The following LRRC49 variants were observed in gnomAD, a reference collection of about 807,000 sequenced individuals.
The protein encoded by LRRC49 is leucine-rich repeat-containing protein 49.
In LRRC49, 50 loss-of-function variants were observed where a neutral mutation model predicts 83.3. The observed-to-expected ratio is 0.60, with a 90% confidence interval of 0.48 to 0.76. The LOEUF (loss-of-function observed/expected upper bound fraction) is 0.76, where lower values mean the gene tolerates loss of function less well. LRRC49 is among the 30% of genes least tolerant of loss of function. The pLI is 0.00. For synonymous variants in LRRC49, 286 were observed against 283.3 expected, an observed-to-expected ratio of 1.01 and a Z score of -0.10; for missense variants, 704 against 809.1, an observed-to-expected ratio of 0.87 and a Z score of 1.58.
chr15:70,985,319 A>G (rs1361354336), intron 11 of LRRC49, among the ~76,000 whole-genome samples: 1 of 151,442 alleles, frequency 6.6e-6, no homozygotes, highest in Non-Finnish European at 1.5e-5. Context: ...AATGATTGCC[A>G]TTCTAACTGG....
chr15:70,934,316 T>TA (rs1041918662), intron 7 of LRRC49, among the ~76,000 whole-genome samples: 2 of 152,188 alleles, frequency 1.3e-5, no homozygotes, highest in African/African-American at 4.8e-5. Flanking sequence ...ACAGAATTGC[T>TA]AAAAAATTGG....
intron 7 of LRRC49, among the ~76,000 whole-genome samples, chr15:70,935,140 A>G (rs2035551286): frequency 1.3e-5 from 2 of 152,212 alleles, no homozygotes; most frequent in South Asian, 4.1e-4. Context: ...TCCTGTTTCC[A>G]CAGACTTACT....
At chr15:70,916,990 G>A (rs1383371433) in intron 6 of LRRC49, among the ~76,000 whole-genome samples, 1 of 152,212 alleles carries the variant, frequency 6.6e-6, no homozygotes, top group Non-Finnish European at 1.5e-5. Context: ...TCTCCCTGCT[G>A]TTGGTGCCTG....
intron 15 of LRRC49, among the ~76,000 whole-genome samples, chr15:71,038,170 C>G (rs571240164): frequency 9.9e-5 from 15 of 152,098 alleles, no homozygotes; most frequent in Non-Finnish European, 1.9e-4. Flanking sequence ...TATAGATCCC[C>G]TCACACAGGT....
intron 2 of LRRC49, among the ~76,000 whole-genome samples, chr15:70,885,126 C>T (rs1214244789): frequency 6.6e-6 from 1 of 151,870 alleles, no homozygotes; most frequent in East Asian, 1.9e-4. Context: ...CCGATTGCTT[C>T]TTCAGATTAA....
chr15:70,905,223 C>G (rs2034254949), intron 5 of LRRC49, among the ~76,000 whole-genome samples: 1 of 152,150 alleles, frequency 6.6e-6, no homozygotes, highest in East Asian at 1.9e-4. Flanking sequence ...TTTCCCAGTT[C>G]CTTTTATACA....
intron 2 of LRRC49, among the ~76,000 whole-genome samples, chr15:70,885,389 CCTTT>C (rs1330470135): frequency 1.3e-5 from 2 of 152,056 alleles, no homozygotes; most frequent in Non-Finnish European, 2.9e-5. Context: ...TACTATAAAC[CCTTT>C]CTATTTATCA....
chr15:71,034,223 G>A (rs2039448274), intron 14 of LRRC49, among the ~76,000 whole-genome samples: 1 of 152,084 alleles, frequency 6.6e-6, no homozygotes, highest in South Asian at 2.1e-4. Context: ...AGTGGGCAAA[G>A]GACATGAGCA....
intron 11 of LRRC49, among the ~76,000 whole-genome samples, chr15:71,006,943 T>C (rs757150003): frequency 3.9e-5 from 6 of 152,104 alleles, no homozygotes; most frequent in Non-Finnish European, 5.9e-5. Flanking sequence ...TAGTTTTTCC[T>C]ATTATCAGCC....
At chr15:70,999,585 C>T (rs2038191710) in intron 11 of LRRC49, among the ~76,000 whole-genome samples, 1 of 152,140 alleles carries the variant, frequency 6.6e-6, no homozygotes, top group South Asian at 2.1e-4. Context: ...TTCATTCCTG[C>T]TTGTGTGGAA....
chr15:70,887,420 C>G (rs1306351401), intron 2 of LRRC49, among the ~76,000 whole-genome samples: 2 of 152,090 alleles, frequency 1.3e-5, no homozygotes, highest in East Asian at 3.8e-4. Flanking sequence ...GAATAAAACA[C>G]TTTGACCAAA....
At chr15:70,939,721 C>T (rs2035732954) in intron 8 of LRRC49, among the ~76,000 whole-genome samples, 1 of 152,104 alleles carries the variant, frequency 6.6e-6, no homozygotes, top group Non-Finnish European at 1.5e-5. Flanking sequence ...AATTTCTAAC[C>T]TACGTCACTG....
In LRRC49 at chr15:71,015,103, T is replaced by C. The variant is rs565057086; in HGVS notation, c.1703+2190T>C. On this transcript the variant is annotated intron_variant, in intron 14 of 15. Transcript: ENST00000260382. ...ATGGGTCAGGATAGCCAAAAACTTA[T>C]CTAGTTGGAATTGGGATGGGTAGTG... Among the ~76,000 whole-genome samples, 37 of 152,244 alleles carry C rather than the reference T, an allele frequency of 2.4e-4. No homozygotes were observed. The East Asian group carries it at 6.0e-3, about 25-fold the overall frequency.
intron 14 of LRRC49, among the ~76,000 whole-genome samples, chr15:71,028,337 T>C (rs984911041): frequency 3.3e-5 from 5 of 152,232 alleles, no homozygotes; most frequent in African/African-American, 1.2e-4. Flanking sequence ...TCCTGCTGGA[T>C]TCAGTTGGCC....
At chr15:71,046,223 A>G (rs1228349905) in intron 15 of LRRC49, among the ~76,000 whole-genome samples, 1 of 152,136 alleles carries the variant, frequency 6.6e-6, no homozygotes, top group African/African-American at 2.4e-5. Flanking sequence ...CAGGAATGGG[A>G]TTGTTGGGCC....
At chr15:71,011,513 A>G (rs547684426) in intron 13 of LRRC49, among the ~76,000 whole-genome samples, 5 of 152,278 alleles carry the variant, frequency 3.3e-5, no homozygotes, top group Non-Finnish European at 7.4e-5. Context: ...TGCCAGGGAT[A>G]TTTGACACTT....
chr15:70,891,567 CTGTGTGTGTGTGTGTGTGTG>C (rs3220843), upstream of LRRC49, among the ~76,000 whole-genome samples: 5,210 of 137,042 alleles, frequency 0.038, 116 homozygotes, highest in African/African-American at 0.05. Context: ...GGACAAGACT[CTGTGTGTGTGTGTGTGTGTG>C]TGTGTGTGTG....
chr15:70,934,322 A>T (rs901889578), intron 7 of LRRC49, among the ~76,000 whole-genome samples: 2 of 152,236 alleles, frequency 1.3e-5, no homozygotes, highest in Admixed American at 6.5e-5. Context: ...TTGCTAAAAA[A>T]TTGGAGAAAA....
chr15:70,867,923 T>C (rs967273613), intron 1 of LRRC49, among the ~76,000 whole-genome samples: 2 of 152,222 alleles, frequency 1.3e-5, no homozygotes, highest in Non-Finnish European at 2.9e-5. Context: ...TGAGGTGCTC[T>C]GTACTCCTCT....
Sources: gnomAD v4.1 joint callset for allele counts (sites outside exome capture counted in the v4.1 genomes callset) on GRCh38, gnomAD v4.1.1 for gene constraint, MANE v1.5 for transcripts, NCBI Gene and HGNC (gene_info 2026-07-23, HGNC 2026-07-21) for gene names.